The following DDX54 variants were observed in gnomAD, a reference collection of about 807,000 sequenced individuals.
DDX54 encodes the protein DEAD-box helicase 54.
DDX54 carries 67 observed loss-of-function variants against 105.5 expected under a neutral mutation model. The observed-to-expected ratio is 0.64, with a 90% CI of 0.52 to 0.78. The LOEUF (loss-of-function observed/expected upper bound fraction) is 0.78, where lower values mean the gene tolerates loss of function less well. Among genes scored for constraint, DDX54 ranks in the 30% least tolerant of loss-of-function variants. DDX54 has a pLI of 0.00. For missense variants in DDX54, 1,206 were observed against 1,230.5 expected (o/e 0.98, Z 0.30); for synonymous variants, 514 against 509.9 (o/e 1.01, Z -0.11).
rs1041446835 is a variant in DDX54 at position 113,158,735 on chromosome 12, G to A, written c.*142C>T. The A allele has an allele frequency of 1.4e-5, 13 of 900,206 alleles. No homozygotes were observed. The highest frequency in any genetic ancestry group is 9.1e-5 in the Admixed American group (3 of 32,932). 55.8% of individuals were successfully genotyped at this position (900,206 alleles called of 1,614,324 possible). A position where few individuals can be genotyped will look rare whatever the true frequency, so the allele number is the denominator to read the frequency against. On this transcript the variant is annotated 3_prime_UTR_variant, in exon 20 of 20. Coordinates refer to ENST00000306014, the MANE Select transcript of DDX54 (RefSeq NM_024072.4). This position sits in a 1 kb window ranked among gnomAD's most constrained non-coding sequence, Gnocchi z 4.9. ...GCTGCTGCCCTTCTGTGGCCATACAGTGCTCCTTTTCACAGATGATGGCTC... is the reference window on the plus strand; with the variant it reads ...GCTGCTGCCCTTCTGTGGCCATACAATGCTCCTTTTCACAGATGATGGCTC...
Position 113,163,786 on chromosome 12 carries a change from C to A in DDX54, c.1938+281G>T, listed in dbSNP as rs143696798. ...TCCTCCCTCTGAGTGGAGACCTACA[C>A]GTCTCACTGCAGAAGCCCTGATGTG... On this transcript the variant is annotated intron_variant, in intron 15 of 19. Transcript: ENST00000306014. The surrounding 1 kb of genome is among the most constrained non-coding windows in gnomAD (Gnocchi z 5.9). Among the ~76,000 whole-genome samples the A allele has an allele frequency of 6.6e-6, 1 of 152,208 alleles. No individual in the cohort carries two copies. Among genetic ancestry groups the A allele is most frequent in the Admixed American group, 6.5e-5 (1 of 15,282 alleles).
In DDX54 at chr12:113,159,238, G is replaced by C. The variant is rs562000141; in HGVS notation, c.2414-129C>G. 4.8e-5 allele frequency: 50 copies of C among 1,035,408 alleles called. No individual in the cohort carries two copies. In the African/African-American group the frequency reaches 7.5e-4, roughly 16 times the overall value. 64.1% of individuals were successfully genotyped at this position (1,035,408 alleles called of 1,614,324 possible). A position where few individuals can be genotyped will look rare whatever the true frequency, so the allele number is the denominator to read the frequency against. ...TGCTTATTGCTGTGGCCCAGTGTCT[G>C]TACACAGTAGGTGGCTAATAAAGTT... On this transcript the variant is annotated intron_variant, in intron 19 of 19. Transcript: ENST00000306014.
chr12:113,171,343 T>A (rs994571682), intron 11 of DDX54, among the ~76,000 whole-genome samples: 7 of 152,180 alleles, frequency 4.6e-5, no homozygotes, highest in African/African-American at 7.2e-5. Context: ...GGCTCACGCC[T>A]GTAATCACAG....
chr12:113,171,297 T>C (rs1952335675), intron 11 of DDX54, among the ~76,000 whole-genome samples: 1 of 152,004 alleles, frequency 6.6e-6, no homozygotes, highest in South Asian at 2.1e-4. Flanking sequence ...GAGCTTCAAT[T>C]TTGCAAGATG....
rs1592998484 is a variant in DDX54, at chr12:113,163,328, T to C, written c.1939-54A>G. On this transcript the variant is annotated intron_variant, in intron 15 of 19. Transcript: ENST00000306014. The surrounding 1 kb of genome is among the most constrained non-coding windows in gnomAD (Gnocchi z 5.9). ...TCATGCCTGCTGCCCCCTGGGGACT[T>C]CCCCCTGCCTCCCTACCCACCAGCC... is the stretch of plus-strand genomic sequence containing the variant. The C allele has an allele frequency of 1.3e-6, 2 of 1,557,110 alleles. No homozygotes were observed. The highest frequency in any genetic ancestry group is 1.2e-5 in the South Asian group (1 of 85,850).
intron 1 of DDX54, 91 bp from the exon 2 acceptor site, chr12:113,181,149 C>T (rs1593009798): frequency 4.2e-6 from 6 of 1,435,646 alleles, no homozygotes; most frequent in Non-Finnish European, 5.5e-6. Flanking sequence ...CCCTCTCTCC[C>T]CCATTCAAGC....
intron 19 of DDX54, chr12:113,159,312 G>T: frequency 5.2e-6 from 3 of 574,972 alleles, no homozygotes; most frequent in Non-Finnish European, 8.9e-6. Flanking sequence ...GAACCGCTGG[G>T]GTTCAAATCC....
intron 10 of DDX54, among the ~76,000 whole-genome samples, chr12:113,174,343 T>G (rs554378347): frequency 6.6e-6 from 1 of 152,100 alleles, no homozygotes; most frequent in South Asian, 2.1e-4. Context: ...ACAAGTTAGT[T>G]GGGCATGGTG....
intron 12 of DDX54, among the ~76,000 whole-genome samples, chr12:113,168,442 G>A (rs933797791): frequency 9.2e-5 from 14 of 152,222 alleles, no homozygotes; most frequent in Non-Finnish European, 1.2e-4. Context: ...TGTCAGAGCC[G>A]TTCTCTCATC....
At chr12:113,182,589 G>A (rs1349420970) in intron 1 of DDX54, among the ~76,000 whole-genome samples, 4 of 150,516 alleles carry the variant, frequency 2.7e-5, no homozygotes, top group Non-Finnish European at 5.9e-5. Context: ...AGACAGTCTC[G>A]TTCAGTCACC....
In DDX54 at chr12:113,182,923, G is replaced by T. The variant is rs190472295; in HGVS notation, c.175-1865C>A. On this transcript the variant is annotated intron_variant, in intron 1 of 19. Transcript: ENST00000306014. ...GAGTTTCACTCAGTCTCCCAGGCTG[G>T]AGTGCAGTGGGGCAATCACGGCTCA... Among the ~76,000 whole-genome samples, 3 of 150,280 alleles carry T rather than the reference G, an allele frequency of 2.0e-5. No homozygotes were observed. The East Asian group carries it at 5.9e-4, about 29-fold the overall frequency.
chr12:113,164,167 TCCTGCCGCC>T lies in DDX54; in HGVS notation c.1829_1837del (p.Gly610_Gln612del). On this transcript the variant is annotated inframe_deletion, in exon 15 of 20. Transcript: ENST00000306014. ...TGGGCCCACTGGGCCCTCCTGCTGC[TCCTGCCGCC>T]CCTGCTGTCCCTGCTGGAAGCGGGC... The T allele has an allele frequency of 6.4e-7, 1 of 1,557,476 alleles. No individual in the cohort carries two copies. The highest frequency in any genetic ancestry group is 1.2e-5 in the South Asian group (1 of 84,834).
At position 113,169,792 on chromosome 12, in the gene DDX54, G is replaced by A; in HGVS notation, c.1392C>T (p.Ala464=). 6.2e-7 allele frequency: 1 copy of A among 1,614,058 alleles called. No homozygotes were observed. The highest frequency in any genetic ancestry group is 8.5e-7 in the Non-Finnish European group (1 of 1,179,982). ...CACCTGAGGGCTCCTTGAGGGGTCG[G>A]GCGAGGGTGAGGGAGCGGCCCAGGA... The part of the protein sequence containing the change: ...HLFLGRSLTL[A]RPLKEPSGVA... The change falls in exon 12 of 20, where the codon GCC becomes GCT. Residue 464 remains alanine, a synonymous_variant. Coordinates refer to ENST00000306014, the MANE Select transcript of DDX54 (RefSeq NM_024072.4).
At position 113,163,521 on chromosome 12, in the gene DDX54, G is replaced by A. The variant is rs1952236072; in HGVS notation, c.1939-247C>T. Among the ~76,000 whole-genome samples, 1 of 152,158 alleles carries A rather than the reference G, an allele frequency of 6.6e-6. No homozygotes were observed. Among genetic ancestry groups the A allele is most frequent in the Non-Finnish European group, 1.5e-5 (1 of 68,010 alleles). On this transcript the variant is annotated intron_variant, in intron 15 of 19. Coordinates refer to ENST00000306014, the MANE Select transcript of DDX54 (RefSeq NM_024072.4). The surrounding 1 kb of genome is among the most constrained non-coding windows in gnomAD (Gnocchi z 5.9). ...AGAGGCAGGACAGCTGGGTGAGGAG[G>A]AGAGTGCCGGCCGAGGGAGACCCAA... is the stretch of plus-strand genomic sequence containing the variant.
In DDX54 at chr12:113,157,956, C is replaced by A. The variant is rs1952154144; in HGVS notation, c.*921G>T. 1.6e-5 allele frequency: 8 copies of A among 490,018 alleles called. No individual in the cohort carries two copies. Among genetic ancestry groups the A allele is most frequent in the Non-Finnish European group, 2.9e-5 (8 of 271,784 alleles). 30.4% of individuals were successfully genotyped at this position (490,018 alleles called of 1,614,324 possible). ...CTAAAATGAGATCAGACCAGGCCCT[C>A]CCTGCCAGGGTGGTTGGGGCATGAA... On this transcript the variant is annotated 3_prime_UTR_variant, in exon 20 of 20. Coordinates refer to ENST00000306014, the MANE Select transcript of DDX54 (RefSeq NM_024072.4).
At position 113,157,594 on chromosome 12, in the gene DDX54, C is replaced by A. The variant is rs539276285; in HGVS notation, c.*1283G>T. On this transcript the variant is annotated 3_prime_UTR_variant, in exon 20 of 20. Coordinates refer to ENST00000306014, the MANE Select transcript of DDX54 (RefSeq NM_024072.4). ...GCTGGGATGTGACTTCGTGCTGGGC[C>A]CCCCCAGGTGAAGCTGTTCATGCAG... 2.9e-5 allele frequency: 45 copies of A among 1,551,378 alleles called. No individual in the cohort carries two copies. The East Asian group carries it at 8.1e-4, about 28-fold the overall frequency.
In DDX54 at chr12:113,174,734, G is replaced by A; in HGVS notation, c.974C>T (p.Ala325Val). 6.2e-7 allele frequency: 1 copy of A among 1,609,678 alleles called. No homozygotes were observed. Among genetic ancestry groups the A allele is most frequent in the Non-Finnish European group, 8.5e-7 (1 of 1,176,258 alleles). The change falls in exon 10 of 20, where the codon GCC becomes GTC. Residue 325 changes from alanine to valine, a missense_variant. By Grantham distance (64) the Ala-to-Val change is moderately conservative. Transcript: ENST00000306014. Reference sequence around the variant, plus strand: ...GTTGTGCAGCAGGTGGAGCAGCACGGCAGCCTTGGTGTCCTCCCGCACGAG... The same window carrying A: ...GTTGTGCAGCAGGTGGAGCAGCACGACAGCCTTGGTGTCCTCCCGCACGAG... ...FFLVREDTKA[A>V]VLLHLLHNVV... is the part of the protein sequence containing the mutation.
At position 113,157,680 on chromosome 12, in the gene DDX54, C is replaced by T. The variant is rs1259677286; in HGVS notation, c.*1197G>A. The T allele has an allele frequency of 1.3e-6, 2 of 1,551,310 alleles. No homozygotes were observed. The highest frequency in any genetic ancestry group is 3.9e-5 in the Admixed American group (2 of 51,006). On this transcript the variant is annotated 3_prime_UTR_variant, in exon 20 of 20. Transcript: ENST00000306014. The stretch of plus-strand genomic sequence containing the variant: ...TGAGCCTGCAGCCCCTGCCTCCTAG[C>T]CCTGACACAGGTGAGCAGCGGGAGA...
Position 113,158,910 on chromosome 12 carries a change from G to T in DDX54, c.2613C>A (p.Arg871=). Reference sequence around the variant, plus strand: ...TCTTCCGCATCTTGCCCTTCTTGGAGCGGGCACCCCGGCCGAAGGCGCCCT... The same window carrying T: ...TCTTCCGCATCTTGCCCTTCTTGGATCGGGCACCCCGGCCGAAGGCGCCCT... ...LQQGAFGRGA[R]SKKGKMRKRM Residue 871 remains arginine, a synonymous_variant, in exon 20 of 20, where the codon CGC becomes CGA. Coordinates refer to ENST00000306014, the MANE Select transcript of DDX54 (RefSeq NM_024072.4). This position sits in a 1 kb window ranked among gnomAD's most constrained non-coding sequence, Gnocchi z 4.9. 1 of 1,607,614 alleles carries T rather than the reference G, an allele frequency of 6.2e-7. No individual in the cohort carries two copies. The highest frequency in any genetic ancestry group is 8.5e-7 in the Non-Finnish European group (1 of 1,175,430).
Sources: gnomAD v4.1 joint callset for allele counts (sites outside exome capture counted in the v4.1 genomes callset) on GRCh38, gnomAD v4.1.1 for gene constraint, Gnocchi (gnomAD v3.1) non-coding constraint, MANE v1.5 for transcripts, NCBI Gene and HGNC (gene_info 2026-07-23, HGNC 2026-07-21) for gene names.